SLC51A: variants seen among roughly 807,000 people sequenced by gnomAD.
The protein encoded by SLC51A is solute carrier family 51 member A.
Under a neutral mutation model 34.8 loss-of-function variants are expected in SLC51A, and 22 were observed. The observed-to-expected ratio is 0.63, with a 90% CI of 0.45 to 0.90. The LOEUF (loss-of-function observed/expected upper bound fraction) is 0.90, where lower values mean the gene tolerates loss of function less well. Among genes scored for constraint, SLC51A ranks in the 40% least tolerant of loss-of-function variants. The probability of loss-of-function intolerance (pLI) is 0.00; values close to 1 mark genes in which losing one functional copy is unlikely to be tolerated. For missense variants in SLC51A, 371 were observed against 414.8 expected (o/e 0.89, Z 0.92); for synonymous variants, 181 against 176.3 (o/e 1.03, Z -0.21).
intron 1 of SLC51A, among the ~76,000 whole-genome samples, chr3:196,217,553 AAAAG>A (rs1204334090): frequency 2.1e-5 from 3 of 142,352 alleles, no homozygotes; most frequent in African/African-American, 7.5e-5. Flanking sequence ...AAAAGAAAAA[AAAAG>A]AAAGAAAAAG....
chr3:196,224,237 T>C (rs568303592), intron 2 of SLC51A, among the ~76,000 whole-genome samples: 3 of 152,006 alleles, frequency 2.0e-5, no homozygotes, highest in Admixed American at 2.0e-4. Context: ...GTAAGCATGA[T>C]ACAAAATAAA....
intron 6 of SLC51A, 111 bp from the exon 7 acceptor site, chr3:196,229,804 C>G (rs60276076): frequency 0.32 from 419,675 of 1,306,480 alleles, 72,652 homozygotes; most frequent in East Asian, 0.77. Flanking sequence ...AGTGAGCTAT[C>G]ATTGCACCTC....
chr3:196,219,528 A>G (rs974932030), intron 2 of SLC51A, among the ~76,000 whole-genome samples: 1 of 152,216 alleles, frequency 6.6e-6, no homozygotes, highest in African/African-American at 2.4e-5. Context: ...GCTTCATTTC[A>G]GATGATCTGA....
chr3:196,232,912 G>C (rs559542316), intron 8 of SLC51A, 151 bp from the exon 9 acceptor site: 73 of 786,588 alleles, frequency 9.3e-5, no homozygotes, highest in Non-Finnish European at 1.4e-4. Flanking sequence ...CCATTAACCC[G>C]CTGTGTTATT....
chr3:196,230,352 G>A (rs1724002647), intron 7 of SLC51A, among the ~76,000 whole-genome samples: 1 of 152,162 alleles, frequency 6.6e-6, no homozygotes, highest in South Asian at 2.1e-4. Flanking sequence ...GGAGCCAGCA[G>A]GGCCCTGCTC....
At position 196,230,018 on chromosome 3, in the gene SLC51A, A is replaced by C; in HGVS notation, c.737A>C (p.His246Pro). ...ATCATTTCCCGTCAAGCCAGGCTAC[A>C]CCTGGGTGAGCAGAACATGGGAGCC... ...LGIISRQARL[H>P]LGEQNMGAKF... The change falls in exon 7 of 9, where the codon CAC becomes CCC. Residue 246 changes from histidine (H) to proline (P), a missense_variant. Transcript: ENST00000296327. The C allele has an allele frequency of 6.2e-7, 1 of 1,613,848 alleles. No homozygotes were observed. The highest frequency in any genetic ancestry group is 8.5e-7 in the Non-Finnish European group (1 of 1,179,846).
At chr3:196,222,790 A>T (rs900130024) in intron 2 of SLC51A, among the ~76,000 whole-genome samples, 37 of 151,892 alleles carry the variant, frequency 2.4e-4, no homozygotes, top group African/African-American at 8.4e-4. Context: ...CAGCTGTGGA[A>T]TACTTTTGTC....
At chr3:196,222,519 C>G (rs548269591) in intron 2 of SLC51A, among the ~76,000 whole-genome samples, 1 of 151,546 alleles carries the variant, frequency 6.6e-6, no homozygotes, top group Admixed American at 6.6e-5. Context: ...CCTGTAATCC[C>G]AGCTACCTGG....
chr3:196,232,337 C>A, intron 7 of SLC51A, 82 bp from the exon 8 acceptor site: 1 of 1,082,274 alleles, frequency 9.2e-7, no homozygotes, highest in Non-Finnish European at 1.4e-6. Context: ...AGCGGAAGGG[C>A]AAGGCCCGGC....
intron 7 of SLC51A, among the ~76,000 whole-genome samples, chr3:196,230,631 T>A (rs928108907): frequency 6.6e-6 from 1 of 152,010 alleles, no homozygotes; most frequent in Admixed American, 6.6e-5. Flanking sequence ...ATTACAGGCA[T>A]GTACCACCAC....
At chr3:196,217,780 T>C in intron 1 of SLC51A, 62 bp from the exon 2 acceptor site, 1 of 1,419,220 alleles carries the variant, frequency 7.0e-7, no homozygotes, top group Non-Finnish European at 9.8e-7. Flanking sequence ...GAGGGTCCAG[T>C]GTGCAACCCT....
Position 196,228,485 on chromosome 3 carries a change from C to G in SLC51A, c.521+212C>G. ...CAATTGTCATCACTGAACTTCACTG[C>G]ACCCTGCAAGCCTTAGCCACACAGA... is the stretch of plus-strand genomic sequence containing the variant. On this transcript the variant is annotated intron_variant, in intron 5 of 8. Transcript: ENST00000296327. The surrounding 1 kb of genome is among the most constrained non-coding windows in gnomAD (Gnocchi z 4.9). 1.5e-6 allele frequency: 1 copy of G among 645,710 alleles called. No homozygotes were observed. Among genetic ancestry groups the G allele is most frequent in the Non-Finnish European group, 2.6e-6 (1 of 380,408 alleles). The allele number at this position is 645,710 out of a possible 1,614,324, so 40.0% of individuals were successfully genotyped here.
Position 196,224,135 on chromosome 3 carries a change from A to C in SLC51A, c.134-2830A>C, listed in dbSNP as rs1723836381. The C allele has an allele frequency of 1.5e-5, 3 of 203,232 alleles. No individual in the cohort carries two copies. In the South Asian group the frequency reaches 1.9e-4, roughly 13 times the overall value. The allele number at this position is 203,232 out of a possible 1,614,324, so 12.6% of individuals were successfully genotyped here. A position where few individuals can be genotyped will look rare whatever the true frequency, so the allele number is the denominator to read the frequency against. ...CGGCCTCCCAAAGTGCTGGGATTACAGGCATGAGCCACTGTGCCTAGCCCT... is the reference window on the plus strand; with the variant it reads ...CGGCCTCCCAAAGTGCTGGGATTACCGGCATGAGCCACTGTGCCTAGCCCT... On this transcript the variant is annotated intron_variant, in intron 2 of 8. Coordinates refer to ENST00000296327, the MANE Select transcript of SLC51A (RefSeq NM_152672.6).
At chr3:196,222,279 T>A (rs925806350) in intron 2 of SLC51A, among the ~76,000 whole-genome samples, 2 of 152,206 alleles carry the variant, frequency 1.3e-5, no homozygotes, top group African/African-American at 2.4e-5. Context: ...AGACAAGCAT[T>A]TCCCAAAGTC....
At chr3:196,232,767 A>T in intron 8 of SLC51A, 1 of 583,346 alleles carries the variant, frequency 1.7e-6, no homozygotes. Flanking sequence ...CCATGGGTTC[A>T]GTCCTCAGCT....
In SLC51A at chr3:196,217,881, C is replaced by T. The variant is rs199724731; in HGVS notation, c.78C>T (p.Tyr26=). The T allele has an allele frequency of 2.8e-5, 45 of 1,613,590 alleles. No homozygotes were observed. Among genetic ancestry groups the T allele is most frequent in the African/African-American group, 4.0e-5 (3 of 74,930 alleles). ...ADLLEVLKTN[Y]GIPSACFSQP... ...TTCTGGAGGTGCTGAAGACCAATTA[C>T]GGCATCCCCTCCGCCTGCTTCTCTC... The change falls in exon 2 of 9, where the codon TAC becomes TAT. Residue 26 remains tyrosine, a synonymous_variant. Transcript: ENST00000296327.
Position 196,233,058 on chromosome 3 carries a change from T to C in SLC51A, c.887-5T>C, listed in dbSNP as rs1724063096. 6.2e-7 allele frequency: 1 copy of C among 1,613,876 alleles called. No homozygotes were observed. Among genetic ancestry groups the C allele is most frequent in the Admixed American group, 1.7e-5 (1 of 60,004 alleles). ...ACCTACGCTGTATTTCACCCTACACTGCAGTGATGAATTGCCACCTCCTCA... is the reference window on the plus strand; with the variant it reads ...ACCTACGCTGTATTTCACCCTACACCGCAGTGATGAATTGCCACCTCCTCA... On this transcript the variant is annotated splice_polypyrimidine_tract_variant and splice_region_variant and intron_variant, in intron 8 of 8. Coordinates refer to ENST00000296327, the MANE Select transcript of SLC51A (RefSeq NM_152672.6).
At position 196,233,297 on chromosome 3, in the gene SLC51A, T is replaced by C. The variant is rs1724068180; in HGVS notation, c.*98T>C. 4.5e-6 allele frequency: 6 copies of C among 1,344,340 alleles called. No homozygotes were observed. The Admixed American group carries it at 6.4e-5, about 14-fold the overall frequency. 83.3% of individuals were successfully genotyped at this position (1,344,340 alleles called of 1,614,324 possible). On this transcript the variant is annotated 3_prime_UTR_variant, in exon 9 of 9. Transcript: ENST00000296327. ...TGACCAAATGGGAAGCATTCCCCCT[T>C]GTCAACACAAGCTGGCAGATACATT...
In SLC51A at chr3:196,219,266, T is replaced by C. The variant is rs527619684; in HGVS notation, c.133+1330T>C. Among the ~76,000 whole-genome samples the C allele has an allele frequency of 3.3e-5, 5 of 152,082 alleles. No individual in the cohort carries two copies. In the South Asian group the frequency reaches 6.2e-4, roughly 19 times the overall value. ...AAAAAAAAGGAAAAGAAAAAGAAAG[T>C]GAAAGGCATAGGATGGGGCTCAGCT... is the stretch of plus-strand genomic sequence containing the variant. On this transcript the variant is annotated intron_variant, in intron 2 of 8. Transcript: ENST00000296327.
Sources: allele counts gnomAD v4.1 joint callset (sites outside exome capture counted in the v4.1 genomes callset), GRCh38; gene constraint gnomAD v4.1.1; non-coding constraint Gnocchi (gnomAD v3.1); transcripts MANE v1.5; gene names NCBI Gene and HGNC (gene_info 2026-07-23, HGNC 2026-07-21).